Variants in CEP63 observed in about 807,000 individuals in gnomAD.
The protein encoded by CEP63 is centrosomal protein 63.
Under a neutral mutation model 89.1 loss-of-function variants are expected in CEP63, and 84 were observed. The observed-to-expected ratio is 0.94, with a 90% CI of 0.79 to 1.13. CEP63 has a LOEUF of 1.13. Among genes scored for constraint, CEP63 ranks in the 50% most tolerant of loss-of-function variants. The pLI, the probability that CEP63 is intolerant of heterozygous loss-of-function variation, is 0.00. For missense variants in CEP63, 838 were observed against 813.3 expected, an observed-to-expected ratio of 1.03 and a Z score of -0.37; for synonymous variants, 267 against 272.5, an observed-to-expected ratio of 0.98 and a Z score of 0.20.
chr3:134,502,506 T>C (rs1285830030), intron 2 of CEP63, among the ~76,000 whole-genome samples: 2 of 152,200 alleles, frequency 1.3e-5, no homozygotes, highest in African/African-American at 4.8e-5. Flanking sequence ...TAACTCGTTA[T>C]TAATCTATCG....
At chr3:134,502,056 T>G (rs1425864177) in intron 2 of CEP63, among the ~76,000 whole-genome samples, 1 of 152,162 alleles carries the variant, frequency 6.6e-6, no homozygotes. Flanking sequence ...TAAGTTTTAT[T>G]GAATGCTTTT....
downstream of CEP63, among the ~76,000 whole-genome samples, chr3:134,567,474 A>C (rs1258347133): frequency 2.0e-5 from 3 of 151,660 alleles, no homozygotes; most frequent in Admixed American, 6.6e-5. Context: ...TACCAAAAAA[A>C]AAAAAAAAAG....
the CEP63 span, among the ~76,000 whole-genome samples, chr3:134,715,549 T>G: frequency 1.3e-5 from 2 of 148,682 alleles, no homozygotes; most frequent in Non-Finnish European, 3.0e-5. Context: ...TTTTTTCCTC[T>G]CTCTAGACTG....
the CEP63 span, among the ~76,000 whole-genome samples, chr3:134,643,829 C>CTTTT: frequency 9.8e-5 from 14 of 143,070 alleles, no homozygotes; most frequent in African/African-American, 1.8e-4. Flanking sequence ...TCTCCTGCTT[C>CTTTT]TTTTTTTTTT....
chr3:134,697,579 G>C, the CEP63 span, among the ~76,000 whole-genome samples: 1 of 152,168 alleles, frequency 6.6e-6, no homozygotes, highest in Non-Finnish European at 1.5e-5. Flanking sequence ...AAAGGTGCTG[G>C]AGTGTTCCCA....
the CEP63 span, chr3:134,600,688 C>T: frequency 6.6e-6 from 1 of 152,240 alleles, no homozygotes; most frequent in South Asian, 2.1e-4. Flanking sequence ...CGGTTCCAAT[C>T]CTTCAATGGT....
intron 3 of CEP63, among the ~76,000 whole-genome samples, chr3:134,509,578 C>T (rs1487100455): frequency 6.6e-6 from 1 of 152,142 alleles, no homozygotes; most frequent in East Asian, 1.9e-4. Flanking sequence ...CTTTCCAGTG[C>T]ATTATTTTTT....
the CEP63 span, among the ~76,000 whole-genome samples, chr3:134,755,397 A>G: frequency 2.0e-4 from 30 of 152,334 alleles, no homozygotes; most frequent in African/African-American, 7.2e-4. Context: ...CCCAGAGAGC[A>G]TCTCCAGGGG....
chr3:134,620,909 GGGGCCCAGCATCT>G, the CEP63 span: 7 of 1,125,964 alleles, frequency 6.2e-6, no homozygotes, highest in African/African-American at 9.2e-5. Context: ...GGGGCTGTTG[GGGGCCCAGCATCT>G]TGCACCTACA....
At chr3:134,650,910 G>T in the CEP63 span, 2 of 1,613,258 alleles carry the variant, frequency 1.2e-6, no homozygotes, top group Non-Finnish European at 1.7e-6. Context: ...CCGAGTGCAC[G>T]ATCAGCAGCA....
In CEP63 at chr3:134,495,277, A is replaced by G. The variant is rs539861804; in HGVS notation, c.-25-19A>G. The G allele has an allele frequency of 2.6e-6, 4 of 1,563,960 alleles. No homozygotes were observed. Among genetic ancestry groups the G allele is most frequent in the East Asian group, 4.5e-5 (2 of 44,560 alleles). On this transcript the variant is annotated intron_variant, in intron 1 of 14. Transcript: ENST00000675561. ...GAAGAAATGAATTGTCTCATGACTG[A>G]TATTTTTTTCTTTGTCAGTTGCCAA... is the stretch of plus-strand genomic sequence containing the variant.
chr3:134,587,000 G>A (rs1958498167), intron 10 of CEP63, among the ~76,000 whole-genome samples: 2 of 152,172 alleles, frequency 1.3e-5, no homozygotes, highest in South Asian at 2.1e-4. Flanking sequence ...TGAAGGTTGT[G>A]CATGCATCAC....
intron 3 of CEP63, chr3:134,510,776 C>T: frequency 2.7e-6 from 1 of 370,666 alleles, no homozygotes; most frequent in Non-Finnish European, 5.2e-6. Context: ...CCTCTGGTGT[C>T]CCACCCTGGC....
chr3:134,543,706 G>A (rs1265765149), intron 6 of CEP63, among the ~76,000 whole-genome samples: 1 of 152,194 alleles, frequency 6.6e-6, no homozygotes, highest in African/African-American at 2.4e-5. Flanking sequence ...GTGTTTTGCT[G>A]AGACCCAGGG....
intron 2 of CEP63, among the ~76,000 whole-genome samples, chr3:134,499,935 T>C (rs1004282049): frequency 6.6e-6 from 1 of 150,748 alleles, no homozygotes; most frequent in Non-Finnish European, 1.5e-5. Context: ...GTGAGTCTCC[T>C]GTCTCAGCCT....
At chr3:134,548,935 A>T in intron 9 of CEP63, 127 bp from the exon 10 acceptor site, 1 of 659,624 alleles carries the variant, frequency 1.5e-6, no homozygotes, top group Admixed American at 2.6e-5. Flanking sequence ...AATATTTTAA[A>T]TGACTGAGGT....
chr3:134,651,760 G>C, the CEP63 span: 1 of 326,026 alleles, frequency 3.1e-6, no homozygotes, highest in Non-Finnish European at 4.4e-6. Context: ...AAGGAGGGAG[G>C]GGGAGAGGAG....
the CEP63 span, among the ~76,000 whole-genome samples, chr3:134,646,694 C>T: frequency 4.6e-3 from 693 of 152,262 alleles, 2 homozygotes; most frequent in Non-Finnish European, 8.4e-3. Flanking sequence ...TTCCTTTACA[C>T]TGGCATTTGA....
the CEP63 span, among the ~76,000 whole-genome samples, chr3:134,593,972 A>G: frequency 6.6e-6 from 1 of 152,162 alleles, no homozygotes; most frequent in Non-Finnish European, 1.5e-5. Context: ...GGGTGGGGCT[A>G]TCCCAAAGGG....
Sources: gnomAD v4.1 joint callset for allele counts (sites outside exome capture counted in the v4.1 genomes callset) on GRCh38, gnomAD v4.1.1 for gene constraint, MANE v1.5 for transcripts, NCBI Gene and HGNC (gene_info 2026-07-23, HGNC 2026-07-21) for gene names.